The following DNAH10 variants were observed in gnomAD, a reference collection of about 807,000 sequenced individuals.
DNAH10 encodes axonemal beta dynein heavy chain 10.
Under a neutral mutation model 506.6 loss-of-function variants are expected in DNAH10, and 348 were observed. The observed-to-expected ratio is 0.69, with a 90% CI of 0.63 to 0.75. The LOEUF (loss-of-function observed/expected upper bound fraction) is 0.75, where lower values mean the gene tolerates loss of function less well. Ranked by LOEUF, DNAH10 falls within the 30% of genes least tolerant of loss-of-function variation. The pLI is 0.00. For missense variants in DNAH10, 5,179 were observed against 5,787.1 expected (o/e 0.89, Z 3.41); for synonymous variants, 2,059 against 2,198.6 (o/e 0.94, Z 1.78).
At chr12:123,808,989 G>A (rs771675947) in intron 19 of DNAH10, 36 bp downstream of exon 19, 2 of 1,610,756 alleles carry the variant, frequency 1.2e-6, no homozygotes, top group South Asian at 2.2e-5. Context: ...TGCTCAGACG[G>A]CATCTCAGGA....
intron 40 of DNAH10, 124 bp from the exon 41 acceptor site, chr12:123,865,827 T>G: frequency 1.1e-6 from 1 of 927,124 alleles, no homozygotes; most frequent in Non-Finnish European, 1.5e-6. Context: ...ATGGAAGCTG[T>G]GTTGATTTTG....
At chr12:123,935,271 C>T in intron 78 of DNAH10, 64 bp from the exon 79 acceptor site, 9 of 1,570,204 alleles carry the variant, frequency 5.7e-6, no homozygotes, top group Non-Finnish European at 7.9e-6. Flanking sequence ...TTACACTGCA[C>T]CTCTGCCTTT....
chr12:123,929,392 C>T lies in DNAH10; in HGVS notation c.12424C>T (p.Leu4142=). The change falls in exon 71 of 79, where the codon CTG becomes TTG. Residue 4142 remains leucine, a synonymous_variant. Coordinates refer to ENST00000673944, the MANE Select transcript of DNAH10 (RefSeq NM_001372106.1). ...TGCCTTCAAGCCGCTGGTCTACGTGCTGGCGTTCTTTCATGCTGTGGTGCA... is the reference window on the plus strand; with the variant it reads ...TGCCTTCAAGCCGCTGGTCTACGTGTTGGCGTTCTTTCATGCTGTGGTGCA... ...HPAFKPLVYV[L]AFFHAVVQER... 1 of 1,613,454 alleles carries T rather than the reference C, an allele frequency of 6.2e-7. No homozygotes were observed. The highest frequency in any genetic ancestry group is 8.5e-7 in the Non-Finnish European group (1 of 1,179,736).
chr12:123,920,611 A>T (rs575378320), intron 65 of DNAH10, among the ~76,000 whole-genome samples: 28 of 152,210 alleles, frequency 1.8e-4, no homozygotes, highest in Non-Finnish European at 3.4e-4. Flanking sequence ...CCAAATTAAT[A>T]ATTCCTGAAT....
chr12:123,924,730 T>TCATC (rs905977799), intron 67 of DNAH10, among the ~76,000 whole-genome samples: 5 of 146,262 alleles, frequency 3.4e-5, no homozygotes, highest in South Asian at 2.3e-4. Flanking sequence ...ACCCATCTAC[T>TCATC]CATCCATCCA....
chr12:123,927,047 T>A, intron 69 of DNAH10: 2 of 568,166 alleles, frequency 3.5e-6, no homozygotes, highest in Non-Finnish European at 3.0e-6. Flanking sequence ...TTTTTTCCTT[T>A]TTCTTTTCTT....
At chr12:123,837,757 A>ATTT (rs994688492) in intron 28 of DNAH10, among the ~76,000 whole-genome samples, 2 of 135,228 alleles carry the variant, frequency 1.5e-5, no homozygotes, top group Admixed American at 7.4e-5. Flanking sequence ...AAAAAAAAAA[A>ATTT]TTTTTTTTTT....
rs777084911 is a variant in DNAH10 at position 123,820,635 on chromosome 12, T to C, written c.4056T>C (p.Arg1352=). The part of the protein sequence containing the change: ...ERELARHEKS[R]QELANAEKLF... ...AGCTGGCAAGACATGAAAAGAGCCG[T>C]CAGGAACTGGCTAACGCTGAGAAAC... The change falls in exon 24 of 79, where the codon CGT becomes CGC. Residue 1352 remains arginine (R), a synonymous_variant. Coordinates refer to ENST00000673944, the MANE Select transcript of DNAH10 (RefSeq NM_001372106.1). 3.1e-6 allele frequency: 5 copies of C among 1,614,018 alleles called. No homozygotes were observed. In the South Asian group the frequency reaches 4.4e-5, roughly 14 times the overall value.
Position 123,820,563 on chromosome 12 carries a change from G to A in DNAH10, c.4001-17G>A. On this transcript the variant is annotated splice_polypyrimidine_tract_variant and intron_variant, in intron 23 of 78. Transcript: ENST00000673944. ...TAAAATTGTATTTATTCACTCATCG[G>A]TGTATTTATTTACTAGGAGTAGAGC... 6.2e-7 allele frequency: 1 copy of A among 1,609,842 alleles called. No homozygotes were observed. The highest frequency in any genetic ancestry group is 8.5e-7 in the Non-Finnish European group (1 of 1,177,588).
At chr12:123,866,621 A>T (rs1951823345) in intron 41 of DNAH10, among the ~76,000 whole-genome samples, 1 of 152,160 alleles carries the variant, frequency 6.6e-6, no homozygotes, top group Admixed American at 6.5e-5. Context: ...CCAGAGGTTG[A>T]CAAACTTTTT....
rs371580638 is a variant in DNAH10, at chr12:123,903,943, G to A, written c.9815+830G>A. ...CCACACACGGGTCTCGCAGCCGAGA[G>A]GCTCCGTTCCTGGGTCAGTAATGGG... On this transcript the variant is annotated intron_variant, in intron 57 of 78. Coordinates refer to ENST00000673944, the MANE Select transcript of DNAH10 (RefSeq NM_001372106.1). This position sits in a 1 kb window ranked among gnomAD's most constrained non-coding sequence, Gnocchi z 4.6. Among the ~76,000 whole-genome samples the A allele has an allele frequency of 3.3e-5, 5 of 152,232 alleles. No individual in the cohort carries two copies. The highest frequency in any genetic ancestry group is 7.3e-5 in the Non-Finnish European group (5 of 68,050).
At chr12:123,829,017 G>A (rs1044361876) in intron 25 of DNAH10, among the ~76,000 whole-genome samples, 4 of 152,292 alleles carry the variant, frequency 2.6e-5, no homozygotes, top group African/African-American at 2.4e-5. Context: ...CCCCAGGTCC[G>A]CTCTGCCCAC....
rs561581905 is a variant in DNAH10, at chr12:123,913,388, G to A, written c.10352+73G>A. ...CACCCACAGAGTTTCTCGCCATGTT[G>A]ATTCTTTATCTCACGTTGTGTTTTT... is the stretch of plus-strand genomic sequence containing the variant. On this transcript the variant is annotated intron_variant, in intron 60 of 78. Coordinates refer to ENST00000673944, the MANE Select transcript of DNAH10 (RefSeq NM_001372106.1). The surrounding 1 kb of genome is among the most constrained non-coding windows in gnomAD (Gnocchi z 5.1). 14 of 1,432,396 alleles carry A rather than the reference G, an allele frequency of 9.8e-6. No individual in the cohort carries two copies. In the South Asian group the frequency reaches 1.6e-4, roughly 17 times the overall value. 88.7% of individuals were successfully genotyped at this position (1,432,396 alleles called of 1,614,324 possible). A position where few individuals can be genotyped will look rare whatever the true frequency, so the allele number is the denominator to read the frequency against.
At position 123,870,411 on chromosome 12, in the gene DNAH10, A is replaced by G; in HGVS notation, c.7565A>G (p.Asn2522Ser). The G allele has an allele frequency of 6.2e-7, 1 of 1,613,986 alleles. No individual in the cohort carries two copies. The highest frequency in any genetic ancestry group is 8.5e-7 in the Non-Finnish European group (1 of 1,179,892). ...LYDFHFDNKR[N>S]QWVPWSKLVP... ...GACTTTCATTTTGATAACAAACGGA[A>G]TCAATGGGTCCCATGGAGTAAATTA... The change falls in exon 44 of 79, where the codon AAT (asparagine) becomes AGT (serine). Residue 2522 changes from asparagine (N) to serine (S), a missense_variant. Asn to Ser is a conservative substitution (Grantham distance 46, BLOSUM62 1). Transcript: ENST00000673944.
intron 5 of DNAH10, among the ~76,000 whole-genome samples, chr12:123,776,191 G>A (rs1447059808): frequency 1.3e-5 from 2 of 152,080 alleles, no homozygotes; most frequent in Non-Finnish European, 2.9e-5. Flanking sequence ...AAGGGTGATG[G>A]TTATTTAGGC....
intron 30 of DNAH10, 40 bp downstream of exon 30, chr12:123,841,585 T>G: frequency 6.4e-7 from 1 of 1,562,422 alleles, no homozygotes; most frequent in Non-Finnish European, 8.8e-7. Context: ...TCTATCCAAT[T>G]CATAGTCATA....
intron 21 of DNAH10, among the ~76,000 whole-genome samples, chr12:123,816,326 T>C (rs2674504): frequency 0.73 from 110,755 of 152,124 alleles, 40,908 homozygotes; most frequent in East Asian, 1. Context: ...GGCGCCCATC[T>C]TTGCCACCCT....
At chr12:123,772,721 A>G in intron 3 of DNAH10, 113 bp from the exon 4 acceptor site, 1 of 778,132 alleles carries the variant, frequency 1.3e-6, no homozygotes, top group Non-Finnish European at 2.1e-6. Context: ...CATTGTCAGA[A>G]CATGAGACCA....
Position 123,928,863 on chromosome 12 carries a change from C to T in DNAH10, c.12306+276C>T, listed in dbSNP as rs564781874. ...CTTTTCATAAACTTCACGGCCCCCC[C>T]CCCCACACACAGCCTGCAGTTCGCT... On this transcript the variant is annotated intron_variant, in intron 70 of 78. Transcript: ENST00000673944. The surrounding 1 kb of genome is among the most constrained non-coding windows in gnomAD (Gnocchi z 4.9). The T allele has an allele frequency of 9.0e-5, 42 of 466,730 alleles. No homozygotes were observed. The highest frequency in any genetic ancestry group is 4.8e-5 in the Non-Finnish European group (13 of 272,272). The allele number at this position is 466,730 out of a possible 1,614,324, so 28.9% of individuals were successfully genotyped here.
Sources: gnomAD v4.1 joint callset for allele counts (sites outside exome capture counted in the v4.1 genomes callset) on GRCh38, gnomAD v4.1.1 for gene constraint, Gnocchi (gnomAD v3.1) non-coding constraint, MANE v1.5 for transcripts, NCBI Gene and HGNC (gene_info 2026-07-23, HGNC 2026-07-21) for gene names.